EHBP1: variants seen among roughly 807,000 people sequenced by gnomAD.
EHBP1 encodes the protein EH domain-binding protein 1.
In EHBP1, 55 loss-of-function variants were observed where a neutral mutation model predicts 144.0. That is an observed-to-expected ratio of 0.38 (90% confidence interval 0.31 to 0.48). The LOEUF (loss-of-function observed/expected upper bound fraction) is 0.48, where lower values mean the gene tolerates loss of function less well. EHBP1 is among the 20% of genes least tolerant of loss of function. The pLI, the probability that EHBP1 is intolerant of heterozygous loss-of-function variation, is 0.98. For synonymous variants in EHBP1, 469 were observed against 472.7 expected, an observed-to-expected ratio of 0.99 and a Z score of 0.10; for missense variants, 1,200 against 1,364.2, an observed-to-expected ratio of 0.88 and a Z score of 1.90.
At chr2:62,708,265 A>G (rs944106296) in intron 2 of EHBP1, among the ~76,000 whole-genome samples, 1 of 152,210 alleles carries the variant, frequency 6.6e-6, no homozygotes, top group African/African-American at 2.4e-5. Flanking sequence ...TCAACTTATT[A>G]GGAATATTAT....
At chr2:62,859,392 T>G (rs2049328834) in intron 8 of EHBP1, 101 bp downstream of exon 8, 1 of 1,131,004 alleles carries the variant, frequency 8.8e-7, no homozygotes, top group Non-Finnish European at 1.2e-6. Context: ...ACACAAAAAA[T>G]TATTGTTTAT....
At chr2:62,941,945 T>TTAA (rs1359548725) in intron 10 of EHBP1, among the ~76,000 whole-genome samples, 1 of 152,114 alleles carries the variant, frequency 6.6e-6, no homozygotes, top group African/African-American at 2.4e-5. Flanking sequence ...AATAAAATTG[T>TTAA]TAATATATAA....
chr2:62,900,553 C>T (rs1021821265), intron 10 of EHBP1, among the ~76,000 whole-genome samples: 4 of 151,286 alleles, frequency 2.6e-5, no homozygotes, highest in African/African-American at 9.7e-5. Flanking sequence ...ATCAGGAGAT[C>T]GAGGCTGCAG....
At chr2:62,776,445 A>G (rs2042058098) in intron 5 of EHBP1, among the ~76,000 whole-genome samples, 1 of 152,210 alleles carries the variant, frequency 6.6e-6, no homozygotes, top group South Asian at 2.1e-4. Flanking sequence ...AGGAGTAGCT[A>G]TTTTTATAAT....
In EHBP1 at chr2:63,036,462, G is replaced by A. The variant is rs184818064; in HGVS notation, c.3104-1073G>A. ...AAGAGGGCTATCCTTGACATTTTAC[G>A]TGAAAAGAAAATCAAACTTAGGGAA... On this transcript the variant is annotated intron_variant, in intron 19 of 22. Coordinates refer to ENST00000431489, the MANE Select transcript of EHBP1 (RefSeq NM_001142616.3). 2.0e-3 allele frequency among the ~76,000 whole-genome samples: 302 copies of A among 151,952 alleles called. 1 individual carries two copies. The highest frequency in any genetic ancestry group is 6.8e-3 in the Admixed American group (103 of 15,248).
chr2:62,736,222 G>T (rs1304920716), intron 2 of EHBP1, among the ~76,000 whole-genome samples: 14 of 118,132 alleles, frequency 1.2e-4, no homozygotes, highest in African/African-American at 1.9e-4. Context: ...TGTTCTCTTT[G>T]CCTTTTTTTT....
rs936250133 is a variant in EHBP1, at chr2:62,874,470, A to G, written c.1123A>G (p.Lys375Glu). The change falls in exon 10 of 23, where the codon AAA becomes GAA. Residue 375 changes from lysine (K) to glutamate (E), a missense_variant. Around this residue, in one of 6 missense-constraint regions of EHBP1, gnomAD observed 266 missense variants for 262.4 expected, o/e 1.01. Coordinates refer to ENST00000431489, the MANE Select transcript of EHBP1 (RefSeq NM_001142616.3). ...CCCGGCTCCACCAGTCCTCTCACCAAAAACAGGAGTATTAAATGAAAACAC... is the reference window on the plus strand; with the variant it reads ...CCCGGCTCCACCAGTCCTCTCACCAGAAACAGGAGTATTAAATGAAAACAC... The part of the protein sequence containing the change: ...KAPAPPVLSP[K>E]TGVLNENTVS... 17 of 1,612,526 alleles carry G rather than the reference A, an allele frequency of 1.1e-5. No individual in the cohort carries two copies. The highest frequency in any genetic ancestry group is 2.7e-5 in the African/African-American group (2 of 74,880).
intron 7 of EHBP1, among the ~76,000 whole-genome samples, chr2:62,838,263 G>T (rs376532940): frequency 6.6e-6 from 1 of 152,242 alleles, no homozygotes; most frequent in South Asian, 2.1e-4. Context: ...CGAAATGAAG[G>T]CAGAAATAAA....
intron 2 of EHBP1, among the ~76,000 whole-genome samples, chr2:62,745,867 G>A (rs1045103614): frequency 2.6e-5 from 4 of 152,036 alleles, no homozygotes; most frequent in African/African-American, 7.2e-5. Flanking sequence ...TACTCTTTCA[G>A]TCAAGTAAAC....
chr2:62,957,261 G>T (rs976093566), intron 14 of EHBP1, among the ~76,000 whole-genome samples: 4 of 151,892 alleles, frequency 2.6e-5, no homozygotes, highest in Non-Finnish European at 4.4e-5. Context: ...TATAGAAAAA[G>T]GTTGGAAAAA....
chr2:62,843,764 T>C (rs2048093113), intron 7 of EHBP1, among the ~76,000 whole-genome samples: 1 of 152,192 alleles, frequency 6.6e-6, no homozygotes, highest in African/African-American at 2.4e-5. Context: ...AAAGGTTTAT[T>C]GAAATTTAAT....
rs374652507 is a variant in EHBP1 at position 62,864,975 on chromosome 2, A to T, written c.998+4A>T. The T allele has an allele frequency of 2.5e-4, 400 of 1,611,008 alleles. No homozygotes were observed. The highest frequency in any genetic ancestry group is 3.3e-4 in the Non-Finnish European group (388 of 1,179,064). On this transcript the variant is annotated splice_donor_region_variant and intron_variant, in intron 9 of 22. Transcript: ENST00000431489. Reference sequence around the variant, plus strand: ...CTGAAGAAGAAGAATTGGATGAGTAAGTACATTTCATTTTGCTGTCATCAC... The same window carrying T: ...CTGAAGAAGAAGAATTGGATGAGTATGTACATTTCATTTTGCTGTCATCAC...
intron 1 of EHBP1, among the ~76,000 whole-genome samples, chr2:62,677,203 A>C (rs190509068): frequency 8.3e-4 from 126 of 152,326 alleles, no homozygotes; most frequent in African/African-American, 2.8e-3. Context: ...CAAAACAAAC[A>C]AACAAAAAAC....
At chr2:62,967,563 G>C (rs896230882) in intron 14 of EHBP1, among the ~76,000 whole-genome samples, 8 of 152,172 alleles carry the variant, frequency 5.3e-5, no homozygotes, top group African/African-American at 1.9e-4. Flanking sequence ...CATGGAAAAG[G>C]ATGTGGTTTT....
Position 62,948,867 on chromosome 2 carries a change from T to C in EHBP1, c.2021T>C (p.Met674Thr). The change falls in exon 13 of 23, where the codon ATG (methionine) becomes ACG (threonine). Residue 674 changes from methionine (M) to threonine (T), a missense_variant. Met to Thr is a moderately conservative substitution (Grantham distance 81, BLOSUM62 -1). Transcript: ENST00000431489. ...DLYVSDKKKD[M>T]SPPFICEETD... The stretch of plus-strand genomic sequence containing the variant: ...TATGTTAGTGATAAGAAGAAGGATA[T>C]GTCTCCACCCTTTATTTGTGAGGAG... 6.2e-7 allele frequency: 1 copy of C among 1,614,086 alleles called. No individual in the cohort carries two copies. The highest frequency in any genetic ancestry group is 8.5e-7 in the Non-Finnish European group (1 of 1,179,984).
intron 21 of EHBP1, 171 bp from the exon 22 acceptor site, chr2:63,044,895 C>T (rs1472658633): frequency 5.3e-6 from 3 of 571,278 alleles, no homozygotes; most frequent in Non-Finnish European, 9.5e-6. Context: ...AGACTTTTAG[C>T]GAGGAAGCCT....
rs114971769 is a variant in EHBP1, at chr2:62,764,102, A to G, written c.163-164A>G. Among the ~76,000 whole-genome samples, 900 of 152,176 alleles carry G rather than the reference A, an allele frequency of 5.9e-3. 7 individuals carry two copies. The highest frequency in any genetic ancestry group is 0.02 in the African/African-American group (845 of 41,538). Reference sequence around the variant, plus strand: ...AATGCTTGAAAAGTTTTATTTGATTAAGCATTTTTGTTTCAGGGATACTAC... The same window carrying G: ...AATGCTTGAAAAGTTTTATTTGATTGAGCATTTTTGTTTCAGGGATACTAC... On this transcript the variant is annotated intron_variant, in intron 3 of 22. Coordinates refer to ENST00000431489, the MANE Select transcript of EHBP1 (RefSeq NM_001142616.3).
chr2:62,770,480 A>G (rs2041578863), intron 4 of EHBP1, among the ~76,000 whole-genome samples: 1 of 152,230 alleles, frequency 6.6e-6, no homozygotes, highest in African/African-American at 2.4e-5. Flanking sequence ...CACCAGTCAG[A>G]GTGGCTATTA....
At chr2:62,943,150 G>T (rs1473279125) in intron 11 of EHBP1, among the ~76,000 whole-genome samples, 1 of 152,160 alleles carries the variant, frequency 6.6e-6, no homozygotes, top group African/African-American at 2.4e-5. Flanking sequence ...GCCAAGGCGG[G>T]TGGATCACCT....
Sources: allele counts gnomAD v4.1 joint callset (sites outside exome capture counted in the v4.1 genomes callset), GRCh38; gene constraint gnomAD v4.1.1; regional missense constraint gnomAD v4.1.1; transcripts MANE v1.5; gene names NCBI Gene and HGNC (gene_info 2026-07-23, HGNC 2026-07-21).